SYCP2L: variants seen among roughly 807,000 people sequenced by gnomAD.
SYCP2L encodes the protein synaptonemal complex protein 2 like.
Under a neutral mutation model 125.8 loss-of-function variants are expected in SYCP2L, and 98 were observed. The observed-to-expected ratio is 0.78, with a 90% confidence interval of 0.66 to 0.92. SYCP2L has a LOEUF of 0.92. SYCP2L is among the 40% of genes least tolerant of loss of function. SYCP2L has a pLI of 0.00. For synonymous variants in SYCP2L, 317 were observed against 325.4 expected, an observed-to-expected ratio of 0.97 and a Z score of 0.28; for missense variants, 842 against 936.4, an observed-to-expected ratio of 0.90 and a Z score of 1.32.
At chr6:10,897,126 T>C (rs1780270793) in intron 4 of SYCP2L, among the ~76,000 whole-genome samples, 1 of 152,168 alleles carries the variant, frequency 6.6e-6, no homozygotes, top group African/African-American at 2.4e-5. Context: ...AAATACTGTA[T>C]ATTCTGGAGT....
chr6:10,898,140 T>G lies in SYCP2L; in HGVS notation c.441+25T>G, dbSNP rs764065779. ...GGTAAGGATGGGATGGATGCTTCAC[T>G]GAGCAGATGCCATTGGTAATTGGCA... On this transcript the variant is annotated intron_variant, in intron 5 of 29. Coordinates refer to ENST00000283141, the MANE Select transcript of SYCP2L (RefSeq NM_001040274.3). The G allele has an allele frequency of 9.5e-6, 14 of 1,476,418 alleles. No homozygotes were observed. The Admixed American group carries it at 2.2e-4, about 23-fold the overall frequency. 91.5% of individuals were successfully genotyped at this position (1,476,418 alleles called of 1,614,324 possible). A position where few individuals can be genotyped will look rare whatever the true frequency, so the allele number is the denominator to read the frequency against.
chr6:10,944,705 A>G lies in SYCP2L; in HGVS notation c.1954+1959A>G, dbSNP rs561709069. ...TTGTCATTATTTACTTTAAAATATT[A>G]TTTTTTATTTTTTAATTTTTTTATT... On this transcript the variant is annotated intron_variant, in intron 23 of 29. Coordinates refer to ENST00000283141, the MANE Select transcript of SYCP2L (RefSeq NM_001040274.3). Among the ~76,000 whole-genome samples, 81 of 151,908 alleles carry G rather than the reference A, an allele frequency of 5.3e-4. 1 individual carries two copies. In the South Asian group the frequency reaches 0.016, roughly 31 times the overall value.
chr6:10,939,602 G>T (rs1781175918), intron 21 of SYCP2L, among the ~76,000 whole-genome samples: 2 of 152,112 alleles, frequency 1.3e-5, no homozygotes, highest in South Asian at 4.2e-4. Context: ...TTTGAAAAGG[G>T]CACCAAGAAT....
intron 10 of SYCP2L, among the ~76,000 whole-genome samples, chr6:10,909,408 G>A (rs149400017): frequency 2.0e-5 from 3 of 152,254 alleles, no homozygotes; most frequent in East Asian, 1.9e-4. Context: ...GATTACAGGC[G>A]AGAGCCACCA....
At chr6:10,909,197 C>G (rs934651522) in intron 10 of SYCP2L, among the ~76,000 whole-genome samples, 1 of 137,658 alleles carries the variant, frequency 7.3e-6, no homozygotes, top group African/African-American at 2.9e-5. Flanking sequence ...GGCATGATCT[C>G]GGCTCACTGC....
intron 6 of SYCP2L, among the ~76,000 whole-genome samples, chr6:10,900,775 A>G (rs1488119001): frequency 2.0e-5 from 3 of 152,148 alleles, no homozygotes; most frequent in Admixed American, 6.5e-5. Flanking sequence ...AGGCTCCAAC[A>G]TATGAATTTC....
intron 29 of SYCP2L, among the ~76,000 whole-genome samples, chr6:10,970,940 C>T (rs1781759140): frequency 6.6e-6 from 1 of 151,992 alleles, no homozygotes; most frequent in South Asian, 2.1e-4. Flanking sequence ...ATGAGATAAT[C>T]GGGCCATCAC....
chr6:10,959,514 A>G (rs2113412572), intron 26 of SYCP2L, among the ~76,000 whole-genome samples: 1 of 152,338 alleles, frequency 6.6e-6, no homozygotes, highest in Middle Eastern at 3.4e-3. Context: ...AATGCCATTG[A>G]ATTTTATACT....
At chr6:10,911,850 A>G (rs1490191454) in intron 12 of SYCP2L, among the ~76,000 whole-genome samples, 1 of 146,808 alleles carries the variant, frequency 6.8e-6, no homozygotes, top group Non-Finnish European at 1.5e-5. Context: ...GTTGGATTGT[A>G]GAATAGTAAG....
At chr6:10,917,174 G>T (rs1370105855) in intron 14 of SYCP2L, among the ~76,000 whole-genome samples, 3 of 152,166 alleles carry the variant, frequency 2.0e-5, no homozygotes, top group Non-Finnish European at 4.4e-5. Context: ...GTTCCAGGGT[G>T]TAGTTTAAAT....
At chr6:10,929,736 A>G (rs1433267180) in intron 18 of SYCP2L, among the ~76,000 whole-genome samples, 3 of 151,984 alleles carry the variant, frequency 2.0e-5, no homozygotes, top group Non-Finnish European at 4.4e-5. Context: ...GGAGTTTGAG[A>G]CCAGCCTGGC....
At chr6:10,921,527 C>T (rs1438458605) in intron 14 of SYCP2L, among the ~76,000 whole-genome samples, 1 of 152,188 alleles carries the variant, frequency 6.6e-6, no homozygotes, top group Non-Finnish European at 1.5e-5. Context: ...TTCTCCGCAA[C>T]CTTGCCAGCA....
At chr6:10,965,257 A>G (rs755432182) in intron 29 of SYCP2L, among the ~76,000 whole-genome samples, 1 of 152,120 alleles carries the variant, frequency 6.6e-6, no homozygotes, top group African/African-American at 2.4e-5. Context: ...GTGGTGAGAA[A>G]TAGATTTCAG....
chr6:10,899,726 G>C lies in SYCP2L; in HGVS notation c.466+878G>C, dbSNP rs192701022. Among the ~76,000 whole-genome samples the C allele has an allele frequency of 2.0e-5, 3 of 152,290 alleles. No individual in the cohort carries two copies. In the East Asian group the frequency reaches 5.8e-4, roughly 29 times the overall value. Reference sequence around the variant, plus strand: ...TACATTCTGCAATGGATGGTATCTGGTAGTTGAGGAAATTCAGTACCAGAA... The same window carrying C: ...TACATTCTGCAATGGATGGTATCTGCTAGTTGAGGAAATTCAGTACCAGAA... On this transcript the variant is annotated intron_variant, in intron 6 of 29. Coordinates refer to ENST00000283141, the MANE Select transcript of SYCP2L (RefSeq NM_001040274.3).
chr6:10,926,137 C>G (rs1780893459), intron 15 of SYCP2L, among the ~76,000 whole-genome samples: 1 of 152,130 alleles, frequency 6.6e-6, no homozygotes, highest in Non-Finnish European at 1.5e-5. Context: ...AGGGGAATGG[C>G]TAGCCCGAGC....
chr6:10,942,576 T>C (rs529790067), intron 22 of SYCP2L, 47 bp downstream of exon 22: 2 of 1,574,990 alleles, frequency 1.3e-6, no homozygotes, highest in East Asian at 2.2e-5. Context: ...AGAATTAATA[T>C]CATATTTGCA....
intron 10 of SYCP2L, among the ~76,000 whole-genome samples, chr6:10,908,917 A>G (rs899764253): frequency 9.2e-5 from 14 of 152,232 alleles, no homozygotes; most frequent in African/African-American, 3.4e-4. Context: ...GTAAAATGGG[A>G]CTAAAGCCCA....
At chr6:10,901,213 A>G (rs1322865438) in intron 6 of SYCP2L, among the ~76,000 whole-genome samples, 1 of 152,218 alleles carries the variant, frequency 6.6e-6, no homozygotes, top group Admixed American at 6.5e-5. Flanking sequence ...ACATCAAAAA[A>G]TGATGGTACC....
At chr6:10,934,202 G>T (rs1781051789) in intron 20 of SYCP2L, among the ~76,000 whole-genome samples, 1 of 152,152 alleles carries the variant, frequency 6.6e-6, no homozygotes, top group African/African-American at 2.4e-5. Flanking sequence ...TGTATTTAAT[G>T]AAAGTACTAT....
Sources: allele counts gnomAD v4.1 joint callset (sites outside exome capture counted in the v4.1 genomes callset), GRCh38; gene constraint gnomAD v4.1.1; transcripts MANE v1.5; gene names NCBI Gene and HGNC (gene_info 2026-07-23, HGNC 2026-07-21).